ASAP1: variants seen among roughly 807,000 people sequenced by gnomAD.
ASAP1 encodes the protein ArfGAP with SH3 domain, ankyrin repeat and PH domain 1, also known as arf-GAP with SH3 domain, ANK repeat and PH domain-containing protein 1.
ASAP1 carries 43 observed loss-of-function variants against 145.2 expected under a neutral mutation model. That is an observed-to-expected ratio of 0.30 (90% confidence interval 0.23 to 0.38). ASAP1 has a LOEUF of 0.38. Among genes scored for constraint, ASAP1 ranks in the 10% least tolerant of loss-of-function variants. The pLI is 1.00. For synonymous variants in ASAP1, 546 were observed against 515.5 expected (o/e 1.06, Z -0.80); for missense variants, 1,018 against 1,355.3 (o/e 0.75, Z 3.91).
chr8:130,354,736 A>C (rs931730923), intron 3 of ASAP1, among the ~76,000 whole-genome samples: 4 of 152,208 alleles, frequency 2.6e-5, no homozygotes, highest in Admixed American at 2.0e-4. Context: ...GCCAGGATGA[A>C]ACCTTGGCAG....
chr8:130,291,420 G>A (rs891313294), intron 3 of ASAP1, among the ~76,000 whole-genome samples: 2 of 152,210 alleles, frequency 1.3e-5, no homozygotes, highest in Admixed American at 6.5e-5. Context: ...TCCTCACTAA[G>A]GGGAAAGGTC....
intron 24 of ASAP1, among the ~76,000 whole-genome samples, chr8:130,103,877 T>A (rs143686981): frequency 4.1e-4 from 63 of 152,378 alleles, no homozygotes; most frequent in African/African-American, 1.5e-3. Flanking sequence ...TTGTTTTTAC[T>A]GTATCCCACA....
At chr8:130,260,255 C>T (rs992619426) in intron 3 of ASAP1, among the ~76,000 whole-genome samples, 1 of 152,126 alleles carries the variant, frequency 6.6e-6, no homozygotes, top group Non-Finnish European at 1.5e-5. Context: ...TCTATACCAT[C>T]ACAGTCTCTT....
intron 1 of ASAP1, among the ~76,000 whole-genome samples, chr8:130,409,248 T>A (rs1234140841): frequency 2.1e-5 from 3 of 145,390 alleles, no homozygotes; most frequent in Non-Finnish European, 1.5e-5. Context: ...GGTGACAGAG[T>A]GAGACGGTGT....
intron 3 of ASAP1, among the ~76,000 whole-genome samples, chr8:130,267,119 C>CAAAAAAAAAAAAAAAAAAAAA (rs1565153626): frequency 7.9e-6 from 1 of 127,292 alleles, no homozygotes; most frequent in East Asian, 3.0e-4. Flanking sequence ...AACAAACAAA[C>CAAAAAAAAAAAAAAAAAAAAA]AAACAAAAAA....
intron 3 of ASAP1, among the ~76,000 whole-genome samples, chr8:130,255,569 GTT>G (rs1459954760): frequency 2.6e-5 from 4 of 152,104 alleles, no homozygotes; most frequent in African/African-American, 9.7e-5. Flanking sequence ...TTAATGGTCA[GTT>G]TTTCCACTTT....
intron 3 of ASAP1, among the ~76,000 whole-genome samples, chr8:130,285,184 G>A (rs368475118): frequency 6.6e-6 from 1 of 151,274 alleles, no homozygotes; most frequent in Non-Finnish European, 1.5e-5. Context: ...CAGCAAGCAT[G>A]AAAAAAAAGT....
At chr8:130,375,885 G>A (rs1168771560) in intron 2 of ASAP1, among the ~76,000 whole-genome samples, 1 of 152,198 alleles carries the variant, frequency 6.6e-6, no homozygotes, top group Non-Finnish European at 1.5e-5. Flanking sequence ...TTGCTGATGT[G>A]CCTGAGAAAT....
chr8:130,409,899 G>A (rs1829191764), intron 1 of ASAP1, among the ~76,000 whole-genome samples: 1 of 152,186 alleles, frequency 6.6e-6, no homozygotes, highest in Admixed American at 6.5e-5. Flanking sequence ...CAGTGAGGAG[G>A]GTGAGTTGAG....
intron 28 of ASAP1, 60 bp from the exon 29 acceptor site, chr8:130,058,136 CG>C: frequency 6.3e-7 from 1 of 1,583,536 alleles, no homozygotes; most frequent in Non-Finnish European, 8.7e-7. Context: ...AAAAGAGCAG[CG>C]GTTCTTTGTA....
At chr8:130,372,993 T>A (rs1052917838) in intron 2 of ASAP1, among the ~76,000 whole-genome samples, 1 of 146,880 alleles carries the variant, frequency 6.8e-6, no homozygotes. Context: ...CGCACAGACA[T>A]ACACAGACAC....
rs1321693822 is a variant in ASAP1 at position 130,168,978 on chromosome 8, TA to T, written c.822+13del. ...AAAGCAAGTTAAACTGCATGTATTT[TA>T]TAAAGAACTTACATTATATAAATCA... On this transcript the variant is annotated intron_variant, in intron 10 of 29. Transcript: ENST00000518721. 1 of 1,487,148 alleles carries T rather than the reference TA, an allele frequency of 6.7e-7. No homozygotes were observed. The highest frequency in any genetic ancestry group is 2.3e-5 in the East Asian group (1 of 43,740). 92.1% of individuals were successfully genotyped at this position (1,487,148 alleles called of 1,614,324 possible).
At chr8:130,210,006 C>T (rs1320511427) in intron 5 of ASAP1, among the ~76,000 whole-genome samples, 4 of 152,150 alleles carry the variant, frequency 2.6e-5, no homozygotes, top group Non-Finnish European at 5.9e-5. Context: ...AAATAATGTT[C>T]ATTTGCATGG....
At chr8:130,256,256 CAG>C (rs1819507788) in intron 3 of ASAP1, among the ~76,000 whole-genome samples, 1 of 152,180 alleles carries the variant, frequency 6.6e-6, no homozygotes, top group South Asian at 2.1e-4. Context: ...ACTAACACTT[CAG>C]AGATGTTTTC....
At position 130,055,167 on chromosome 8, in the gene ASAP1, G is replaced by C. The variant is rs1393191182; in HGVS notation, c.3316-362C>G. Among the ~76,000 whole-genome samples the C allele has an allele frequency of 2.0e-5, 3 of 152,266 alleles. No individual in the cohort carries two copies. The East Asian group carries it at 5.8e-4, about 29-fold the overall frequency. On this transcript the variant is annotated intron_variant, in intron 29 of 29. Coordinates refer to ENST00000518721, the MANE Select transcript of ASAP1 (RefSeq NM_018482.4). ...ACAGGCGTGGGGCTCTAGAGTCCTT[G>C]CTCTGAACCAGGGCGCCTGGCTGCC...
chr8:130,082,356 T>C (rs1233198982), intron 25 of ASAP1, among the ~76,000 whole-genome samples: 4 of 151,982 alleles, frequency 2.6e-5, no homozygotes, highest in Admixed American at 2.0e-4. Context: ...AGGGCATTTA[T>C]TTTTTTTCTT....
At chr8:130,356,278 G>A (rs1476679821) in intron 3 of ASAP1, among the ~76,000 whole-genome samples, 3 of 152,182 alleles carry the variant, frequency 2.0e-5, no homozygotes, top group African/African-American at 7.2e-5. Context: ...TGTGCAGGAA[G>A]AGAACGTTAA....
chr8:130,340,366 A>T (rs577820441), intron 3 of ASAP1, among the ~76,000 whole-genome samples: 4 of 152,326 alleles, frequency 2.6e-5, no homozygotes, highest in Non-Finnish European at 5.9e-5. Flanking sequence ...GACCCTCAGG[A>T]AGCAACCACT....
Position 130,118,195 on chromosome 8 carries a change from A to G in ASAP1, c.1846T>C (p.Ser616Pro). 2 of 1,613,966 alleles carry G rather than the reference A, an allele frequency of 1.2e-6. No homozygotes were observed. Among genetic ancestry groups the G allele is most frequent in the Non-Finnish European group, 1.7e-6 (2 of 1,179,884 alleles). Reference protein sequence around the residue: ...HLAVRTADQTSLHLVDFLVQN... With the variant: ...HLAVRTADQTPLHLVDFLVQN... The stretch of plus-strand genomic sequence containing the variant: ...ACAAGGAAGTCAACCAAATGGAGAG[A>G]TGTCTGATCTGCAGTTCGGACGGCA... The change falls in exon 20 of 30, where the codon TCT (serine) becomes CCT (proline). Residue 616 changes from serine (S) to proline (P), a missense_variant. Ser to Pro is a moderately conservative substitution (Grantham distance 74). This residue lies in a region of ASAP1 where 353 missense variants were observed against 375.4 expected (regional missense o/e 0.94). Coordinates refer to ENST00000518721, the MANE Select transcript of ASAP1 (RefSeq NM_018482.4).
Sources: allele counts gnomAD v4.1 joint callset (sites outside exome capture counted in the v4.1 genomes callset), GRCh38; gene constraint gnomAD v4.1.1; regional missense constraint gnomAD v4.1.1; transcripts MANE v1.5; gene names NCBI Gene and HGNC (gene_info 2026-07-23, HGNC 2026-07-21).